ZNF865: variants seen among roughly 807,000 people sequenced by gnomAD.
ZNF865 encodes zinc finger protein 865.
For synonymous variants in ZNF865, 763 were observed against 750.8 expected (o/e 1.02, Z -0.27); for missense variants, 1,311 against 1,593.4 (o/e 0.82, Z 3.02).
intron 1 of ZNF865, among the ~76,000 whole-genome samples, chr19:55,610,323 C>T (rs561628916): frequency 1.3e-5 from 2 of 152,254 alleles, no homozygotes; most frequent in Non-Finnish European, 2.9e-5. Context: ...TGCAGTGGCA[C>T]GATCTCAGCT....
At chr19:55,609,751 G>A (rs1321137049) in intron 1 of ZNF865, among the ~76,000 whole-genome samples, 4 of 152,300 alleles carry the variant, frequency 2.6e-5, no homozygotes, top group Admixed American at 1.3e-4. Flanking sequence ...AATGTGAACC[G>A]TTAATACACT....
At position 55,614,274 on chromosome 19, in the gene ZNF865, T is replaced by C; in HGVS notation, c.656T>C (p.Leu219Pro). The C allele has an allele frequency of 1.3e-6, 2 of 1,516,266 alleles. No homozygotes were observed. The highest frequency in any genetic ancestry group is 1.8e-6 in the Non-Finnish European group (2 of 1,137,432). 93.9% of individuals were successfully genotyped at this position (1,516,266 alleles called of 1,614,324 possible). The change falls in exon 2 of 2, where the codon CTG becomes CCG. Residue 219 changes from leucine to proline, a missense_variant. By Grantham distance (98) the Leu-to-Pro change is moderately conservative. Coordinates refer to ENST00000568956, the MANE Select transcript of ZNF865 (RefSeq NM_001195605.2). This position sits in a 1 kb window ranked among gnomAD's most constrained non-coding sequence, Gnocchi z 8.0. Reference protein sequence around the residue: ...DKGYFRRLKYLMERRFPCGVC... With the variant: ...DKGYFRRLKYPMERRFPCGVC... The stretch of plus-strand genomic sequence containing the variant: ...GGCTACTTCCGGAGACTGAAGTACC[T>C]GATGGAGCGGCGCTTCCCCTGCGGC...
In ZNF865 at chr19:55,614,123, T is replaced by A. The variant is rs1304672819; in HGVS notation, c.505T>A (p.Ser169Thr). ...GAACCTGAAGCGAGGAGGGCCCGCG[T>A]CCGGGCCGGGGGTGACGCCTGGGCT... ...FGNLKRGGPASGPGVTPGLGA... is the reference protein window; with the variant it reads ...FGNLKRGGPATGPGVTPGLGA... Residue 169 changes from serine (S) to threonine (T), a missense_variant, in exon 2 of 2, where the codon TCC (serine) becomes ACC (threonine). Coordinates refer to ENST00000568956, the MANE Select transcript of ZNF865 (RefSeq NM_001195605.2). This position sits in a 1 kb window ranked among gnomAD's most constrained non-coding sequence, Gnocchi z 8.0. 10 of 1,423,578 alleles carry A rather than the reference T, an allele frequency of 7.0e-6. No individual in the cohort carries two copies. Among genetic ancestry groups the A allele is most frequent in the Non-Finnish European group, 9.1e-6 (10 of 1,098,024 alleles). 88.2% of individuals were successfully genotyped at this position (1,423,578 alleles called of 1,614,324 possible).
rs1193115114 is a variant in ZNF865 at position 55,614,095 on chromosome 19, T to G, written c.477T>G (p.Phe159Leu). 2 of 1,436,954 alleles carry G rather than the reference T, an allele frequency of 1.4e-6. No homozygotes were observed. The highest frequency in any genetic ancestry group is 1.8e-6 in the Non-Finnish European group (2 of 1,103,352). The allele number at this position is 1,436,954 out of a possible 1,614,324, so 89.0% of individuals were successfully genotyped here. A position where few individuals can be genotyped will look rare whatever the true frequency, so the allele number is the denominator to read the frequency against. Residue 159 changes from phenylalanine (F) to leucine (L), a missense_variant, in exon 2 of 2, where the codon TTT (phenylalanine) becomes TTG (leucine). Coordinates refer to ENST00000568956, the MANE Select transcript of ZNF865 (RefSeq NM_001195605.2). The surrounding 1 kb of genome is among the most constrained non-coding windows in gnomAD (Gnocchi z 8.0). ...IVDLSGHQHL[F>L]GNLKRGGPAS... ...ACCTCTCGGGGCACCAGCACTTGTT[T>G]GGGAACCTGAAGCGAGGAGGGCCCG...
In ZNF865 at chr19:55,614,081, C is replaced by A; in HGVS notation, c.463C>A (p.His155Asn). The A allele has an allele frequency of 6.9e-7, 1 of 1,445,036 alleles. No individual in the cohort carries two copies. Among genetic ancestry groups the A allele is most frequent in the Non-Finnish European group, 9.0e-7 (1 of 1,106,546 alleles). The allele number at this position is 1,445,036 out of a possible 1,614,324, so 89.5% of individuals were successfully genotyped here. ...PQWGIVDLSG[H>N]QHLFGNLKRG... is the part of the protein sequence containing the mutation. ...GTGGGGCATCGTGGACCTCTCGGGG[C>A]ACCAGCACTTGTTTGGGAACCTGAA... The change falls in exon 2 of 2, where the codon CAC (histidine) becomes AAC (asparagine). Residue 155 changes from histidine (H) to asparagine (N), a missense_variant. His to Asn is a moderately conservative substitution (Grantham distance 68). Coordinates refer to ENST00000568956, the MANE Select transcript of ZNF865 (RefSeq NM_001195605.2). The surrounding 1 kb of genome is among the most constrained non-coding windows in gnomAD (Gnocchi z 8.0).
rs769235538 is a variant in ZNF865, at chr19:55,615,258, G to A, written c.1640G>A (p.Gly547Glu). ...GAGGSGASVP[G>E]KTFCCGICGR... is the part of the protein sequence containing the mutation. Reference sequence around the variant, plus strand: ...GGAGGCTCGGGCGCCAGCGTCCCAGGAAAGACGTTCTGCTGCGGCATCTGC... The same window carrying A: ...GGAGGCTCGGGCGCCAGCGTCCCAGAAAAGACGTTCTGCTGCGGCATCTGC... Residue 547 changes from glycine to glutamate, a missense_variant, in exon 2 of 2, where the codon GGA becomes GAA. Coordinates refer to ENST00000568956, the MANE Select transcript of ZNF865 (RefSeq NM_001195605.2). 5.3e-6 allele frequency: 8 copies of A among 1,520,942 alleles called. No homozygotes were observed. The highest frequency in any genetic ancestry group is 4.9e-5 in the South Asian group (4 of 82,114). The allele number at this position is 1,520,942 out of a possible 1,614,324, so 94.2% of individuals were successfully genotyped here. A position where few individuals can be genotyped will look rare whatever the true frequency, so the allele number is the denominator to read the frequency against.
Position 55,617,253 on chromosome 19 carries a change from A to C in ZNF865, c.*455A>C. 1.9e-5 allele frequency: 3 copies of C among 155,870 alleles called. No homozygotes were observed. The highest frequency in any genetic ancestry group is 4.2e-5 in the Non-Finnish European group (3 of 70,760). The allele number at this position is 155,870 out of a possible 1,614,324, so 9.7% of individuals were successfully genotyped here. A position where few individuals can be genotyped will look rare whatever the true frequency, so the allele number is the denominator to read the frequency against. The stretch of plus-strand genomic sequence containing the variant: ...GCTTGTACAGAGCGGAGAATAATAA[A>C]TCTTACCATGAGGGCCGCTGGAGTC... On this transcript the variant is annotated 3_prime_UTR_variant, in exon 2 of 2. Coordinates refer to ENST00000568956, the MANE Select transcript of ZNF865 (RefSeq NM_001195605.2).
At chr19:55,606,535 G>C (rs1194147237) in intron 1 of ZNF865, among the ~76,000 whole-genome samples, 1 of 152,194 alleles carries the variant, frequency 6.6e-6, no homozygotes, top group African/African-American at 2.4e-5. Flanking sequence ...ACAGAACAGT[G>C]TCCCGCAGTG....
intron 1 of ZNF865, among the ~76,000 whole-genome samples, chr19:55,607,339 C>T (rs1479546643): frequency 6.6e-6 from 1 of 151,498 alleles, no homozygotes; most frequent in African/African-American, 2.4e-5. Flanking sequence ...GTGGCTCATG[C>T]CTGTAATCCC....
In ZNF865 at chr19:55,615,850, TGCG is replaced by T; in HGVS notation, c.2235_2237del (p.Ala746del). 1 of 1,495,982 alleles carries T rather than the reference TGCG, an allele frequency of 6.7e-7. No individual in the cohort carries two copies. 92.7% of individuals were successfully genotyped at this position (1,495,982 alleles called of 1,614,324 possible). A position where few individuals can be genotyped will look rare whatever the true frequency, so the allele number is the denominator to read the frequency against. On this transcript the variant is annotated inframe_deletion, in exon 2 of 2. Transcript: ENST00000568956. Reference sequence around the variant, plus strand: ...CCCCGGACGGCTCCAGCGGCACGGATGCGGCCAGCGTGCTGGACAACGGGCTGG... The same window carrying T: ...CCCCGGACGGCTCCAGCGGCACGGATGCCAGCGTGCTGGACAACGGGCTGG...
At position 55,614,079 on chromosome 19, in the gene ZNF865, G is replaced by A. The variant is rs1981245883; in HGVS notation, c.461G>A (p.Gly154Glu). Residue 154 changes from glycine (G) to glutamate (E), a missense_variant, in exon 2 of 2, where the codon GGG becomes GAG. By Grantham distance (98) the Gly-to-Glu change is moderately conservative (BLOSUM62 -2). Transcript: ENST00000568956. This position sits in a 1 kb window ranked among gnomAD's most constrained non-coding sequence, Gnocchi z 8.0. ...CAGTGGGGCATCGTGGACCTCTCGG[G>A]GCACCAGCACTTGTTTGGGAACCTG... ...TPQWGIVDLSGHQHLFGNLKR... is the reference protein window; with the variant it reads ...TPQWGIVDLSEHQHLFGNLKR... The A allele has an allele frequency of 1.4e-6, 2 of 1,447,762 alleles. No homozygotes were observed. Among genetic ancestry groups the A allele is most frequent in the African/African-American group, 1.5e-5 (1 of 68,526 alleles). 89.7% of individuals were successfully genotyped at this position (1,447,762 alleles called of 1,614,324 possible).
Position 55,615,573 on chromosome 19 carries a change from G to T in ZNF865, c.1955G>T (p.Cys652Phe). ...LPSTQGTPGA[C>F]GPGASGTSAG... ...TCCACCCAAGGCACACCGGGGGCCTGTGGGCCCGGGGCCTCGGGCACGTCT... is the reference window on the plus strand; with the variant it reads ...TCCACCCAAGGCACACCGGGGGCCTTTGGGCCCGGGGCCTCGGGCACGTCT... The change falls in exon 2 of 2, where the codon TGT becomes TTT. Residue 652 changes from cysteine to phenylalanine, a missense_variant. By Grantham distance (205) the Cys-to-Phe change is radical (BLOSUM62 -2). Transcript: ENST00000568956. 1 of 1,528,838 alleles carries T rather than the reference G, an allele frequency of 6.5e-7. No individual in the cohort carries two copies. The highest frequency in any genetic ancestry group is 8.7e-7 in the Non-Finnish European group (1 of 1,143,654). 94.7% of individuals were successfully genotyped at this position (1,528,838 alleles called of 1,614,324 possible). A position where few individuals can be genotyped will look rare whatever the true frequency, so the allele number is the denominator to read the frequency against.
Position 55,616,858 on chromosome 19 carries a change from A to T in ZNF865, c.*60A>T. On this transcript the variant is annotated 3_prime_UTR_variant, in exon 2 of 2. Coordinates refer to ENST00000568956, the MANE Select transcript of ZNF865 (RefSeq NM_001195605.2). ...CCCTTCTGGACTCCCACCTCCCAGGACTGATCAGACTCTTCCCCCCTCCTC... is the reference window on the plus strand; with the variant it reads ...CCCTTCTGGACTCCCACCTCCCAGGTCTGATCAGACTCTTCCCCCCTCCTC... The T allele has an allele frequency of 7.2e-7, 1 of 1,397,904 alleles. No individual in the cohort carries two copies. The highest frequency in any genetic ancestry group is 2.7e-5 in the East Asian group (1 of 37,174). The allele number at this position is 1,397,904 out of a possible 1,614,324, so 86.6% of individuals were successfully genotyped here.
intron 1 of ZNF865, among the ~76,000 whole-genome samples, chr19:55,607,227 G>A (rs1431005243): frequency 1.3e-5 from 2 of 152,060 alleles, no homozygotes; most frequent in African/African-American, 2.4e-5. Flanking sequence ...TTACATTGGG[G>A]GTACAACAGA....
intron 1 of ZNF865, among the ~76,000 whole-genome samples, chr19:55,608,583 G>A (rs1981025035): frequency 1.3e-5 from 2 of 152,218 alleles, no homozygotes; most frequent in Admixed American, 6.5e-5. Flanking sequence ...AAAAATGCTG[G>A]GATTACAGGC....
chr19:55,608,382 T>C (rs988723428), intron 1 of ZNF865, among the ~76,000 whole-genome samples: 6 of 150,520 alleles, frequency 4.0e-5, no homozygotes, highest in African/African-American at 1.5e-4. Flanking sequence ...TGGTGTGATC[T>C]TAGCTCGCTG....
In ZNF865 at chr19:55,613,935, C is replaced by A; in HGVS notation, c.317C>A (p.Ser106Tyr). 6.5e-7 allele frequency: 1 copy of A among 1,532,180 alleles called. No individual in the cohort carries two copies. Among genetic ancestry groups the A allele is most frequent in the South Asian group, 1.2e-5 (1 of 83,820 alleles). 94.9% of individuals were successfully genotyped at this position (1,532,180 alleles called of 1,614,324 possible). Residue 106 changes from serine (S) to tyrosine (Y), a missense_variant, in exon 2 of 2, where the codon TCC becomes TAC. Transcript: ENST00000568956. The part of the protein sequence containing the change: ...SSSSSSSSSS[S>Y]SSSSSSSSSS... ...TCGTCCTCCTCCTCCTCCTCTTCGT[C>A]CTCCTCGTCGTCATCTTCGTCCTCT...
At position 55,614,571 on chromosome 19, in the gene ZNF865, C is replaced by A; in HGVS notation, c.953C>A (p.Ala318Asp). ...TCCACGGTGTCCTCGGGCCCTCCAGCCACGCCCGTGGCGCCTGCCCCCTCC... is the reference window on the plus strand; with the variant it reads ...TCCACGGTGTCCTCGGGCCCTCCAGACACGCCCGTGGCGCCTGCCCCCTCC... ...APSTVSSGPP[A>D]TPVAPAPSAD... Residue 318 changes from alanine (A) to aspartate (D), a missense_variant, in exon 2 of 2, where the codon GCC becomes GAC. By Grantham distance (126) the Ala-to-Asp change is moderately radical. Coordinates refer to ENST00000568956, the MANE Select transcript of ZNF865 (RefSeq NM_001195605.2). The surrounding 1 kb of genome is among the most constrained non-coding windows in gnomAD (Gnocchi z 8.0). The A allele has an allele frequency of 6.7e-7, 1 of 1,502,008 alleles. No homozygotes were observed. The highest frequency in any genetic ancestry group is 1.3e-5 in the South Asian group (1 of 79,736). The allele number at this position is 1,502,008 out of a possible 1,614,324, so 93.0% of individuals were successfully genotyped here.
Position 55,614,016 on chromosome 19 carries a change from C to T in ZNF865, c.398C>T (p.Pro133Leu). ...DPPLPPAFGA[P>L]PPPLFDAAFP... is the part of the protein sequence containing the mutation. Reference sequence around the variant, plus strand: ...CCCCTGCCGCCCGCCTTCGGGGCGCCCCCTCCTCCCCTCTTTGACGCTGCT... The same window carrying T: ...CCCCTGCCGCCCGCCTTCGGGGCGCTCCCTCCTCCCCTCTTTGACGCTGCT... The change falls in exon 2 of 2, where the codon CCC becomes CTC. Residue 133 changes from proline (P) to leucine (L), a missense_variant. Transcript: ENST00000568956. This position sits in a 1 kb window ranked among gnomAD's most constrained non-coding sequence, Gnocchi z 8.0. 1 of 1,502,620 alleles carries T rather than the reference C, an allele frequency of 6.7e-7. No individual in the cohort carries two copies. Among genetic ancestry groups the T allele is most frequent in the Non-Finnish European group, 8.9e-7 (1 of 1,129,394 alleles). The allele number at this position is 1,502,620 out of a possible 1,614,324, so 93.1% of individuals were successfully genotyped here.
Sources: gnomAD v4.1 joint callset for allele counts (sites outside exome capture counted in the v4.1 genomes callset) on GRCh38, gnomAD v4.1.1 for gene constraint, Gnocchi (gnomAD v3.1) non-coding constraint, MANE v1.5 for transcripts, NCBI Gene and HGNC (gene_info 2026-07-23, HGNC 2026-07-21) for gene names.